The following FBXL5 variants were observed in gnomAD, a reference collection of about 807,000 sequenced individuals.
The protein encoded by FBXL5 is F-box/LRR-repeat protein 5.
A neutral mutation model predicts 78.3 loss-of-function variants in FBXL5; 26 were observed. The observed-to-expected ratio is 0.33, with a 90% CI of 0.24 to 0.46. FBXL5 has a LOEUF of 0.46. FBXL5 is among the 20% of genes least tolerant of loss of function. FBXL5 has a pLI of 1.00. For synonymous variants in FBXL5, 295 were observed against 282.5 expected, an observed-to-expected ratio of 1.04 and a Z score of -0.45; for missense variants, 710 against 829.2, an observed-to-expected ratio of 0.86 and a Z score of 1.77.
At chr4:15,620,957 T>C (rs556860200) in intron 9 of FBXL5, among the ~76,000 whole-genome samples, 9 of 152,324 alleles carry the variant, frequency 5.9e-5, no homozygotes, top group Admixed American at 5.2e-4. Flanking sequence ...CTAGTATCTA[T>C]AGAAACAATG....
chr4:15,655,152 C>T (rs1351228471), intron 1 of FBXL5, 52 bp downstream of exon 1: 13 of 1,313,198 alleles, frequency 9.9e-6, no homozygotes, highest in Non-Finnish European at 1.3e-5. Context: ...ACCCAGCCCG[C>T]TCCCCATCGC....
intron 9 of FBXL5, 109 bp downstream of exon 9, chr4:15,625,143 T>G: frequency 7.7e-7 from 1 of 1,293,416 alleles, no homozygotes; most frequent in Non-Finnish European, 1.0e-6. Context: ...TGGTTAATCC[T>G]TTTTGCTAAG....
rs763312988 is a variant in FBXL5, at chr4:15,644,481, T to G, written c.300+12A>C. On this transcript the variant is annotated intron_variant, in intron 2 of 10. Coordinates refer to ENST00000341285, the MANE Select transcript of FBXL5 (RefSeq NM_012161.4). The stretch of plus-strand genomic sequence containing the variant: ...AAGTTTTGACAGTTGAATATCCATT[T>G]TTGCAACTTACCTTAACATTCTTCA... 6.9e-6 allele frequency: 11 copies of G among 1,589,162 alleles called. No individual in the cohort carries two copies. The South Asian group carries it at 1.2e-4, about 18-fold the overall frequency.
At position 15,614,840 on chromosome 4, in the gene FBXL5, C is replaced by T. The variant is rs368354680; in HGVS notation, c.1851-2426G>A. On this transcript the variant is annotated intron_variant, in intron 9 of 10. Transcript: ENST00000341285. ...ATTTGAGGAGCCCTTCAGCCCACCA[C>T]TGCACTGTGGGAGCCCCTTTCTGGG... 1.2e-4 allele frequency among the ~76,000 whole-genome samples: 18 copies of T among 152,324 alleles called. No individual in the cohort carries two copies. The East Asian group carries it at 2.5e-3, about 21-fold the overall frequency.
chr4:15,650,969 A>G (rs1018632075), intron 1 of FBXL5, among the ~76,000 whole-genome samples: 1 of 152,154 alleles, frequency 6.6e-6, no homozygotes, highest in East Asian at 1.9e-4. Flanking sequence ...ACAGTGATAA[A>G]TCAAGTATTA....
intron 10 of FBXL5, among the ~76,000 whole-genome samples, chr4:15,609,098 T>C (rs1381713871): frequency 6.6e-6 from 1 of 152,186 alleles, no homozygotes; most frequent in East Asian, 1.9e-4. Flanking sequence ...ATATGATGGA[T>C]TGCCAGGTAG....
rs1411323968 is a variant in FBXL5, at chr4:15,638,521, T to C, written c.570A>G (p.Glu190=). ...RQKFFKYSVD[E]KSDKEAEVSE... ...TATGAATCTCACCTTTATCTGACTTTTCATCCACGGAATATTTAAAAAACT... is the reference window on the plus strand; with the variant it reads ...TATGAATCTCACCTTTATCTGACTTCTCATCCACGGAATATTTAAAAAACT... The change falls in exon 4 of 11, where the codon GAA becomes GAG. Residue 190 remains glutamate, a synonymous_variant. Coordinates refer to ENST00000341285, the MANE Select transcript of FBXL5 (RefSeq NM_012161.4). 2.3e-5 allele frequency: 36 copies of C among 1,592,576 alleles called. No homozygotes were observed. Among genetic ancestry groups the C allele is most frequent in the Non-Finnish European group, 2.9e-5 (34 of 1,174,320 alleles).
rs1715910855 is a variant in FBXL5 at position 15,650,690 on chromosome 4, C to CA, written c.84+4513dup. Among the ~76,000 whole-genome samples, 3 of 102,950 alleles carry CA rather than the reference C, an allele frequency of 2.9e-5. No homozygotes were observed. In the South Asian group the frequency reaches 9.6e-4, roughly 33 times the overall value. The allele number at this position is 102,950 out of a possible 152,430, so 67.5% of individuals were successfully genotyped here. Reference sequence around the variant, plus strand: ...TTTTTTTTTTTTTTTTTTTTTGAGACAGAGTCTCACTCTGTCGCCCAGGCT... The same window carrying CA: ...TTTTTTTTTTTTTTTTTTTTTGAGACAAGAGTCTCACTCTGTCGCCCAGGCT... On this transcript the variant is annotated intron_variant, in intron 1 of 10. Coordinates refer to ENST00000341285, the MANE Select transcript of FBXL5 (RefSeq NM_012161.4).
At chr4:15,620,895 T>C in intron 9 of FBXL5, among the ~76,000 whole-genome samples, 1 of 152,252 alleles carries the variant, frequency 6.6e-6, no homozygotes, top group Admixed American at 6.5e-5. Context: ...CCAATCTATT[T>C]CTTTAAGTTG....
At chr4:15,656,284 C>T (rs771290420), upstream of FBXL5, 51 of 456,108 alleles carry the variant, frequency 1.1e-4, 1 homozygote, top group African/African-American at 5.2e-4. Context: ...CACAGACCTC[C>T]TGGAGACTCT....
chr4:15,611,158 T>G (rs987525219), intron 10 of FBXL5, among the ~76,000 whole-genome samples: 2 of 152,126 alleles, frequency 1.3e-5, no homozygotes, highest in Non-Finnish European at 2.9e-5. Context: ...AATGTCCAAC[T>G]TAGTGCTGAT....
At chr4:15,617,741 A>G (rs1318171492) in intron 9 of FBXL5, among the ~76,000 whole-genome samples, 1 of 152,182 alleles carries the variant, frequency 6.6e-6, no homozygotes, top group African/African-American at 2.4e-5. Flanking sequence ...CTCACTTATA[A>G]GTGGCAGCTA....
chr4:15,668,206 G>A (rs1717626315), intron 1 of FBXL5, among the ~76,000 whole-genome samples: 1 of 151,332 alleles, frequency 6.6e-6, no homozygotes, highest in African/African-American at 2.4e-5. Context: ...AAAAGTATCA[G>A]TTGTAAATGG....
Position 15,655,337 on chromosome 4 carries a change from T to G in FBXL5, c.-50A>C. The G allele has an allele frequency of 7.6e-7, 1 of 1,308,940 alleles. No homozygotes were observed. Among genetic ancestry groups the G allele is most frequent in the Admixed American group, 2.5e-5 (1 of 39,720 alleles). 81.1% of individuals were successfully genotyped at this position (1,308,940 alleles called of 1,614,324 possible). A position where few individuals can be genotyped will look rare whatever the true frequency, so the allele number is the denominator to read the frequency against. On this transcript the variant is annotated 5_prime_UTR_variant, in exon 1 of 11. It removes an upstream start codon present in the reference 5' UTR. Transcript: ENST00000341285. ...AGCAGCCGCGGCCGCCGCCTCTCCATAGACACCCTCGCCGCGGGGCAGAGG... is the reference window on the plus strand; with the variant it reads ...AGCAGCCGCGGCCGCCGCCTCTCCAGAGACACCCTCGCCGCGGGGCAGAGG...
intron 4 of FBXL5, among the ~76,000 whole-genome samples, chr4:15,637,313 T>C (rs1036272698): frequency 3.9e-5 from 6 of 152,210 alleles, no homozygotes; most frequent in East Asian, 1.9e-4. Flanking sequence ...TCAGCAACTA[T>C]TGCAGGAAGT....
chr4:15,618,373 T>C (rs1440842142), intron 9 of FBXL5, among the ~76,000 whole-genome samples: 1 of 151,942 alleles, frequency 6.6e-6, no homozygotes, highest in East Asian at 1.9e-4. Flanking sequence ...ATAATAATGA[T>C]GAAAATAATT....
intron 2 of FBXL5, among the ~76,000 whole-genome samples, chr4:15,642,037 AAAG>A (rs1239772232): frequency 2.0e-5 from 3 of 152,122 alleles, no homozygotes; most frequent in Middle Eastern, 3.4e-3. Context: ...TAAAAAAAAA[AAAG>A]AAAAAATTAT....
chr4:15,649,517 T>A (rs1322301632), intron 1 of FBXL5, among the ~76,000 whole-genome samples: 1 of 147,186 alleles, frequency 6.8e-6, no homozygotes, highest in Admixed American at 6.9e-5. Context: ...GAGGCAGAGG[T>A]TGCAGTGAGC....
intron 9 of FBXL5, among the ~76,000 whole-genome samples, chr4:15,618,899 G>T (rs1712181913): frequency 7.1e-6 from 1 of 141,322 alleles, no homozygotes; most frequent in African/African-American, 2.6e-5. Flanking sequence ...GCTGGGTGTG[G>T]TGGCTCATGC....
Sources: allele counts gnomAD v4.1 joint callset (sites outside exome capture counted in the v4.1 genomes callset), GRCh38; gene constraint gnomAD v4.1.1; transcripts MANE v1.5; gene names NCBI Gene and HGNC (gene_info 2026-07-23, HGNC 2026-07-21).